STRIP1: variants seen among roughly 807,000 people sequenced by gnomAD.
The protein encoded by STRIP1 is striatin-interacting protein 1.
Under a neutral mutation model 106.2 loss-of-function variants are expected in STRIP1, and 63 were observed. That is an observed-to-expected ratio of 0.59 (90% confidence interval 0.48 to 0.73). The LOEUF (loss-of-function observed/expected upper bound fraction) is 0.73, where lower values mean the gene tolerates loss of function less well. Among genes scored for constraint, STRIP1 ranks in the 30% least tolerant of loss-of-function variants. STRIP1 has a pLI of 0.00. For missense variants in STRIP1, 857 were observed against 1,074.8 expected (o/e 0.80, Z 2.83); for synonymous variants, 390 against 413.0 (o/e 0.94, Z 0.67).
intron 5 of STRIP1, 106 bp from the exon 6 acceptor site, chr1:110,040,529 C>G: frequency 9.1e-7 from 1 of 1,104,044 alleles, no homozygotes; most frequent in Non-Finnish European, 1.3e-6. Flanking sequence ...TTGTGCAGTC[C>G]AAGCACGTAT....
rs949549680 is a variant in STRIP1 at position 110,039,622 on chromosome 1, C to G, written c.581+107C>G. On this transcript the variant is annotated intron_variant, in intron 5 of 20. Transcript: ENST00000369795. ...GAGAGGGTTAAATGGGGCAGAAGTT[C>G]TGGTCCCAGGCTGTGTTCTGACCAC... 64 of 1,356,310 alleles carry G rather than the reference C, an allele frequency of 4.7e-5. No homozygotes were observed. The African/African-American group carries it at 8.1e-4, about 17-fold the overall frequency. 84.0% of individuals were successfully genotyped at this position (1,356,310 alleles called of 1,614,324 possible). A position where few individuals can be genotyped will look rare whatever the true frequency, so the allele number is the denominator to read the frequency against.
At chr1:110,047,935 C>A in intron 15 of STRIP1, 66 bp downstream of exon 15, 1 of 1,382,978 alleles carries the variant, frequency 7.2e-7, no homozygotes, top group Non-Finnish European at 1.0e-6. Context: ...AAACATTTTC[C>A]TCTTGTCAGG....
Position 110,043,251 on chromosome 1 carries a change from G to T in STRIP1, c.1049G>T (p.Arg350Leu), listed in dbSNP as rs947598442. The T allele has an allele frequency of 6.2e-7, 1 of 1,611,812 alleles. No individual in the cohort carries two copies. Among genetic ancestry groups the T allele is most frequent in the Admixed American group, 1.7e-5 (1 of 60,022 alleles). Reference protein sequence around the residue: ...ASDLIEQQQKRGRREHKALIK... With the variant: ...ASDLIEQQQKLGRREHKALIK... Reference sequence around the variant, plus strand: ...GACTTGATTGAGCAGCAGCAGAAACGGGGCCGCCGAGAGCACAAGGTGAGG... The same window carrying T: ...GACTTGATTGAGCAGCAGCAGAAACTGGGCCGCCGAGAGCACAAGGTGAGG... Residue 350 changes from arginine (R) to leucine (L), a missense_variant, in exon 9 of 21, where the codon CGG becomes CTG. By Grantham distance (102) the Arg-to-Leu change is moderately radical. This residue lies in a region of STRIP1 where 750 missense variants were observed against 989.8 expected (regional missense o/e 0.76). Coordinates refer to ENST00000369795, the MANE Select transcript of STRIP1 (RefSeq NM_033088.4).
rs1653039369 is a variant in STRIP1, at chr1:110,046,745, C to T, written c.1482C>T (p.Leu494=). ...AGGAGGAATACCTCCGCTCCCCTCT[C>T]TCAGGGGTAAGTTGGAGGTCCTCAG... ...QMEEEYLRSP[L]SGGEEEVEQV... is the part of the protein sequence containing the mutation. The change falls in exon 13 of 21, where the codon CTC becomes CTT. Residue 494 remains leucine (L), a synonymous_variant. Coordinates refer to ENST00000369795, the MANE Select transcript of STRIP1 (RefSeq NM_033088.4). 1 of 1,611,830 alleles carries T rather than the reference C, an allele frequency of 6.2e-7. No individual in the cohort carries two copies. The highest frequency in any genetic ancestry group is 1.3e-5 in the African/African-American group (1 of 74,832).
rs186208535 is a variant in STRIP1 at position 110,041,528 on chromosome 1, G to C, written c.651-8G>C. ...CCCACTCCATTGTGAGCTGGCTCTT[G>C]TCCTCAGGGTCCTGCTCAACATCAT... On this transcript the variant is annotated splice_polypyrimidine_tract_variant and splice_region_variant and intron_variant, in intron 6 of 20. Coordinates refer to ENST00000369795, the MANE Select transcript of STRIP1 (RefSeq NM_033088.4). 3.1e-6 allele frequency: 5 copies of C among 1,611,290 alleles called. No homozygotes were observed. The highest frequency in any genetic ancestry group is 1.7e-5 in the Admixed American group (1 of 59,990).
At chr1:110,040,169 T>C (rs770534755) in intron 5 of STRIP1, among the ~76,000 whole-genome samples, 1 of 151,868 alleles carries the variant, frequency 6.6e-6, no homozygotes, top group Non-Finnish European at 1.5e-5. Context: ...GTTTTTGTTT[T>C]TGTGTTTTTT....
intron 15 of STRIP1, among the ~76,000 whole-genome samples, chr1:110,048,746 T>C (rs909799861): frequency 3.3e-5 from 5 of 152,240 alleles, no homozygotes; most frequent in Non-Finnish European, 7.3e-5. Flanking sequence ...ACCCTTTTTT[T>C]CCATGACATG....
In STRIP1 at chr1:110,045,093, G is replaced by GT. The variant is rs780094959; in HGVS notation, c.1416+16dup. On this transcript the variant is annotated intron_variant, in intron 12 of 20. Transcript: ENST00000369795. ...CTCTGAAACAGGTGAGTGGCTTTGG[G>GT]TGAGCTTTTGGCTTGTTTGGTCCTA... The GT allele has an allele frequency of 1.1e-4, 174 of 1,613,748 alleles. 2 individuals carry two copies. In the South Asian group the frequency reaches 1.9e-3, roughly 17 times the overall value.
intron 5 of STRIP1, chr1:110,039,896 C>T (rs1319425430): frequency 7.7e-7 from 1 of 1,294,616 alleles, no homozygotes; most frequent in Admixed American, 2.3e-5. Context: ...TGGGCTCAAC[C>T]AGTGCCTGGC....
At position 110,054,246 on chromosome 1, in the gene STRIP1, C is replaced by T. The variant is rs1354336664; in HGVS notation, c.*334C>T. ...GGATGGGAACCCCTCCGCCGTGCAT[C>T]TGAATTTCAGGGGTCATGCTGATGC... On this transcript the variant is annotated 3_prime_UTR_variant, in exon 21 of 21. Transcript: ENST00000369795. The T allele has an allele frequency of 7.1e-6, 2 of 281,898 alleles. No homozygotes were observed. The highest frequency in any genetic ancestry group is 4.5e-5 in the South Asian group (1 of 22,202). 17.5% of individuals were successfully genotyped at this position (281,898 alleles called of 1,614,324 possible). A position where few individuals can be genotyped will look rare whatever the true frequency, so the allele number is the denominator to read the frequency against.
rs1254611743 is a variant in STRIP1 at position 110,047,819 on chromosome 1, C to T, written c.1611C>T (p.Ala537=). The change falls in exon 15 of 21, where the codon GCC becomes GCT. Residue 537 remains alanine, a synonymous_variant. Transcript: ENST00000369795. The stretch of plus-strand genomic sequence containing the variant: ...TGGCTGCAGCACCCACCTCAAAAGC[C>T]AAAACAGACTCAATCAACATCCTAG... ...ILLAAAPTSK[A]KTDSINILAD... is the part of the protein sequence containing the mutation. 1 of 1,570,056 alleles carries T rather than the reference C, an allele frequency of 6.4e-7. No homozygotes were observed. Among genetic ancestry groups the T allele is most frequent in the Non-Finnish European group, 8.6e-7 (1 of 1,156,266 alleles).
Position 110,043,082 on chromosome 1 carries a change from A to T in STRIP1, c.886-6A>T. Reference sequence around the variant, plus strand: ...CCCTGGCTCTGCTTCCCTGTCTGTGATGCAGTGCACGCTAGGCGGCTTTGA... The same window carrying T: ...CCCTGGCTCTGCTTCCCTGTCTGTGTTGCAGTGCACGCTAGGCGGCTTTGA... On this transcript the variant is annotated splice_polypyrimidine_tract_variant and splice_region_variant and intron_variant, in intron 8 of 20. Coordinates refer to ENST00000369795, the MANE Select transcript of STRIP1 (RefSeq NM_033088.4). 1.2e-6 allele frequency: 2 copies of T among 1,607,718 alleles called. No homozygotes were observed. Among genetic ancestry groups the T allele is most frequent in the South Asian group, 2.2e-5 (2 of 90,098 alleles).
intron 12 of STRIP1, 102 bp from the exon 13 acceptor site, chr1:110,046,578 A>G: frequency 1.0e-6 from 1 of 990,852 alleles, no homozygotes; most frequent in East Asian, 2.5e-5. Flanking sequence ...CTCTTTCAGA[A>G]GACTGTGTTT....
chr1:110,039,576 C>G (rs1047711488), intron 5 of STRIP1, 61 bp downstream of exon 5: 1 of 1,540,092 alleles, frequency 6.5e-7, no homozygotes, highest in African/African-American at 1.4e-5. Flanking sequence ...GGGGACAGAG[C>G]TTGCAGAACT....
chr1:110,046,789 C>A, intron 13 of STRIP1, 38 bp downstream of exon 13: 2 of 1,512,636 alleles, frequency 1.3e-6, no homozygotes, highest in Non-Finnish European at 9.2e-7. Flanking sequence ...CGGTGGCTCA[C>A]GCCTGTAATC....
chr1:110,039,011 G>T, intron 3 of STRIP1, 161 bp from the exon 4 acceptor site: 1 of 885,230 alleles, frequency 1.1e-6, no homozygotes, highest in Non-Finnish European at 1.7e-6. Flanking sequence ...GTTTCAGTTT[G>T]GAATCAAATT....
In STRIP1 at chr1:110,039,101, G is replaced by A. The variant is rs1652632008; in HGVS notation, c.326-71G>A. 2.1e-5 allele frequency: 33 copies of A among 1,569,472 alleles called. 1 individual carries two copies. The South Asian group carries it at 3.7e-4, about 17-fold the overall frequency. On this transcript the variant is annotated intron_variant, in intron 3 of 20. Coordinates refer to ENST00000369795, the MANE Select transcript of STRIP1 (RefSeq NM_033088.4). ...GTCCTATGGCAGTCCTGAATTTGGT[G>A]AGTTAACATGGGTCCATGCCATTGT...
intron 12 of STRIP1, 99 bp from the exon 13 acceptor site, chr1:110,046,581 C>A: frequency 9.8e-7 from 1 of 1,015,808 alleles, no homozygotes; most frequent in Non-Finnish European, 1.6e-6. Context: ...TTTCAGAAGA[C>A]TGTGTTTGAA....
Position 110,038,709 on chromosome 1 carries a change from G to T in STRIP1, c.277G>T (p.Glu93Ter). Residue 93 changes from glutamate (E) to a stop codon, truncating the protein, a stop_gained, in exon 3 of 21, where the codon GAA becomes TAA. Transcript: ENST00000369795. LOFTEE classifies it high-confidence loss of function. ...GCTTTACAGCTACACGGAAGGGCCA[G>T]AATTCCTGATGAATCGAAAATGCTT... ...SELYSYTEGP[E>*]FLMNRKCFEE... 6.2e-7 allele frequency: 1 copy of T among 1,614,224 alleles called. No individual in the cohort carries two copies. The highest frequency in any genetic ancestry group is 8.5e-7 in the Non-Finnish European group (1 of 1,180,038).
Sources: allele counts gnomAD v4.1 joint callset (sites outside exome capture counted in the v4.1 genomes callset), GRCh38; gene constraint gnomAD v4.1.1; regional missense constraint gnomAD v4.1.1; transcripts MANE v1.5; gene names NCBI Gene and HGNC (gene_info 2026-07-23, HGNC 2026-07-21).